The following ADAMTSL1 variants were observed in gnomAD, a reference collection of about 807,000 sequenced individuals.
ADAMTSL1 encodes the protein ADAMTS-like protein 1.
In ADAMTSL1, 126 loss-of-function variants were observed where a neutral mutation model predicts 201.8. The observed-to-expected ratio is 0.62, with a 90% CI of 0.54 to 0.72. The LOEUF (loss-of-function observed/expected upper bound fraction) is 0.72, where lower values mean the gene tolerates loss of function less well. ADAMTSL1 is among the 30% of genes least tolerant of loss of function. ADAMTSL1 has a pLI of 0.00. For missense variants in ADAMTSL1, 2,679 were observed against 2,277.8 expected (o/e 1.18, Z -3.59); for synonymous variants, 1,121 against 903.4 (o/e 1.24, Z -4.32).
intron 2 of ADAMTSL1, among the ~76,000 whole-genome samples, chr9:18,251,098 T>TA (rs906103283): frequency 5.9e-5 from 9 of 151,316 alleles, no homozygotes; most frequent in Admixed American, 3.9e-4. Flanking sequence ...ACTCTAAAAC[T>TA]AAAAAAAAGT....
chr9:18,750,068 T>C (rs1250740144), intron 15 of ADAMTSL1, among the ~76,000 whole-genome samples: 2 of 152,192 alleles, frequency 1.3e-5, no homozygotes, highest in East Asian at 3.9e-4. Context: ...ACAAAGAGGG[T>C]TCACCAGCAC....
At chr9:18,596,846 G>T (rs1824294739) in intron 4 of ADAMTSL1, among the ~76,000 whole-genome samples, 2 of 152,172 alleles carry the variant, frequency 1.3e-5, no homozygotes, top group Admixed American at 1.3e-4. Flanking sequence ...ATTCAGTTTT[G>T]AAGACGTAGA....
intron 23 of ADAMTSL1, among the ~76,000 whole-genome samples, chr9:18,856,766 A>AT (rs1040046961): frequency 5.9e-5 from 9 of 151,712 alleles, no homozygotes; most frequent in South Asian, 4.2e-4. Flanking sequence ...CCCAAGAAGG[A>AT]TTTTTTTTTA....
intron 2 of ADAMTSL1, among the ~76,000 whole-genome samples, chr9:18,244,861 G>C (rs887012439): frequency 6.6e-6 from 1 of 152,048 alleles, no homozygotes; most frequent in Non-Finnish European, 1.5e-5. Flanking sequence ...ACCTCATTAT[G>C]GGCAGGAACT....
intron 2 of ADAMTSL1, among the ~76,000 whole-genome samples, chr9:18,389,825 TG>T: frequency 6.6e-6 from 1 of 152,182 alleles, no homozygotes; most frequent in East Asian, 1.9e-4. Flanking sequence ...TTATATTTAG[TG>T]GTTTTTAAGT....
At chr9:18,409,251 T>A (rs1818328302) in intron 2 of ADAMTSL1, among the ~76,000 whole-genome samples, 1 of 150,812 alleles carries the variant, frequency 6.6e-6, no homozygotes, top group Non-Finnish European at 1.5e-5. Flanking sequence ...GGCATGGTGG[T>A]GCATGCCTGT....
intron 1 of ADAMTSL1, among the ~76,000 whole-genome samples, chr9:17,981,982 T>C (rs1818724964): frequency 6.6e-6 from 1 of 152,204 alleles, no homozygotes; most frequent in African/African-American, 2.4e-5. Context: ...GAGGTATTGA[T>C]AAATGCCTTT....
At chr9:18,855,777 A>G (rs1826802809) in intron 23 of ADAMTSL1, among the ~76,000 whole-genome samples, 1 of 152,168 alleles carries the variant, frequency 6.6e-6, no homozygotes, top group Non-Finnish European at 1.5e-5. Flanking sequence ...TTCCAAGGAG[A>G]TAAGACCAAA....
intron 2 of ADAMTSL1, among the ~76,000 whole-genome samples, chr9:18,268,242 A>G (rs925504079): frequency 3.3e-5 from 5 of 152,172 alleles, no homozygotes; most frequent in African/African-American, 9.7e-5. Flanking sequence ...AAATAGTTTG[A>G]GGTTGAGTCA....
At chr9:18,209,715 C>T (rs1014250219) in intron 2 of ADAMTSL1, among the ~76,000 whole-genome samples, 2 of 152,172 alleles carry the variant, frequency 1.3e-5, no homozygotes, top group Non-Finnish European at 2.9e-5. Context: ...ACACCTCCAA[C>T]TAATTTTTGC....
chr9:18,713,846 G>C (rs1460577043), intron 14 of ADAMTSL1, among the ~76,000 whole-genome samples: 2 of 147,434 alleles, frequency 1.4e-5, no homozygotes. Flanking sequence ...CACATACTGG[G>C]AAGTAAAGCT....
chr9:18,437,699 T>C (rs1037330028), intron 2 of ADAMTSL1, among the ~76,000 whole-genome samples: 5 of 152,170 alleles, frequency 3.3e-5, no homozygotes, highest in African/African-American at 1.2e-4. Context: ...CAGTGATTTC[T>C]TCTCAGTGAC....
At chr9:18,273,827 G>T (rs535832115) in intron 2 of ADAMTSL1, among the ~76,000 whole-genome samples, 1 of 152,206 alleles carries the variant, frequency 6.6e-6, no homozygotes, top group Admixed American at 6.5e-5. Flanking sequence ...AATTCTGAGT[G>T]ATCAGTCTTC....
At chr9:18,175,464 G>A (rs1828100876) in intron 2 of ADAMTSL1, among the ~76,000 whole-genome samples, 1 of 152,000 alleles carries the variant, frequency 6.6e-6, no homozygotes, top group African/African-American at 2.4e-5. Flanking sequence ...ATGTGCTTTT[G>A]GGATGTCGTA....
At chr9:18,168,631 G>T (rs1365507530) in intron 2 of ADAMTSL1, among the ~76,000 whole-genome samples, 3 of 150,468 alleles carry the variant, frequency 2.0e-5, no homozygotes, top group Non-Finnish European at 3.0e-5. Flanking sequence ...AATCCTTTGG[G>T]TATATACCCA....
intron 2 of ADAMTSL1, among the ~76,000 whole-genome samples, chr9:18,257,377 C>T (rs982855343): frequency 6.6e-6 from 1 of 152,178 alleles, no homozygotes; most frequent in Non-Finnish European, 1.5e-5. Flanking sequence ...TAGACATTTT[C>T]TCTAAAGATA....
chr9:18,246,353 AT>A (rs1193694285), intron 2 of ADAMTSL1, among the ~76,000 whole-genome samples: 1 of 152,180 alleles, frequency 6.6e-6, no homozygotes, highest in Non-Finnish European at 1.5e-5. Context: ...AAAAGGGGGT[AT>A]ACTGAAAGGC....
chr9:18,160,469 T>C (rs1827333988), intron 1 of ADAMTSL1, among the ~76,000 whole-genome samples: 1 of 151,978 alleles, frequency 6.6e-6, no homozygotes, highest in African/African-American at 2.4e-5. Flanking sequence ...TGCTTCTGTT[T>C]TCTCTCTGCA....
chr9:18,853,731 G>A (rs182470129), intron 23 of ADAMTSL1, among the ~76,000 whole-genome samples: 3 of 152,252 alleles, frequency 2.0e-5, no homozygotes, highest in East Asian at 1.9e-4. Flanking sequence ...GGCAAGATAC[G>A]GGTTGGTTAG....
Sources: allele counts gnomAD v4.1 joint callset (sites outside exome capture counted in the v4.1 genomes callset), GRCh38; gene constraint gnomAD v4.1.1; transcripts MANE v1.5; gene names NCBI Gene and HGNC (gene_info 2026-07-23, HGNC 2026-07-21).